The following GRID2 variants were observed in gnomAD, a reference collection of about 807,000 sequenced individuals.
The protein encoded by GRID2 is glutamate ionotropic receptor delta type subunit 2.
GRID2 carries 33 observed loss-of-function variants against 114.8 expected under a neutral mutation model. That is an observed-to-expected ratio of 0.29 (90% confidence interval 0.22 to 0.38). The LOEUF is 0.38. GRID2 is among the 10% of genes least tolerant of loss of function. The pLI, the probability that GRID2 is intolerant of heterozygous loss-of-function variation, is 1.00. For synonymous variants in GRID2, 505 were observed against 449.9 expected (o/e 1.12, Z -1.55); for missense variants, 1,184 against 1,257.7 (o/e 0.94, Z 0.89).
rs1305458079 is a variant in GRID2 at position 93,160,435 on chromosome 4, T to C, written c.736-46969T>C. Among the ~76,000 whole-genome samples, 4 of 151,942 alleles carry C rather than the reference T, an allele frequency of 2.6e-5. No homozygotes were observed. The East Asian group carries it at 7.8e-4, about 29-fold the overall frequency. On this transcript the variant is annotated intron_variant, in intron 4 of 15. Coordinates refer to ENST00000282020, the MANE Select transcript of GRID2 (RefSeq NM_001510.4). ...AGTGACAATAGCTAAACAAATATAA[T>C]TTTGTTAGTCTTACCTTATTAGCCC...
chr4:92,887,096 TA>T (rs1185548532), intron 2 of GRID2, among the ~76,000 whole-genome samples: 1 of 152,246 alleles, frequency 6.6e-6, no homozygotes, highest in African/African-American at 2.4e-5. Context: ...ACAGTACTGT[TA>T]ATATGGTGTT....
chr4:92,443,090 T>A (rs1218724772), intron 1 of GRID2, among the ~76,000 whole-genome samples: 3 of 152,060 alleles, frequency 2.0e-5, no homozygotes, highest in African/African-American at 4.8e-5. Context: ...GGCTTGGGGT[T>A]GGTACTGAGG....
chr4:92,668,222 G>T (rs1357278497), intron 2 of GRID2, among the ~76,000 whole-genome samples: 1 of 151,776 alleles, frequency 6.6e-6, no homozygotes, highest in Non-Finnish European at 1.5e-5. Flanking sequence ...GAATGAGATT[G>T]ATGTAGGGTT....
At chr4:92,814,939 C>T (rs996354265) in intron 2 of GRID2, among the ~76,000 whole-genome samples, 9 of 152,052 alleles carry the variant, frequency 5.9e-5, no homozygotes, top group African/African-American at 1.7e-4. Flanking sequence ...ACTGACAGAG[C>T]TCAAAATGTG....
At position 93,200,272 on chromosome 4, in the gene GRID2, A is replaced by G. The variant is rs552562124; in HGVS notation, c.736-7132A>G. Among the ~76,000 whole-genome samples the G allele has an allele frequency of 2.7e-4, 41 of 152,342 alleles. No homozygotes were observed. The South Asian group carries it at 3.7e-3, about 14-fold the overall frequency. On this transcript the variant is annotated intron_variant, in intron 4 of 15. Transcript: ENST00000282020. ...AAGCACAAGTATCACCATTTGGTCAAAAACATTACATAGGCCGGGTGCGGT... is the reference window on the plus strand; with the variant it reads ...AAGCACAAGTATCACCATTTGGTCAGAAACATTACATAGGCCGGGTGCGGT...
intron 1 of GRID2, among the ~76,000 whole-genome samples, chr4:92,375,348 C>A (rs1245725346): frequency 6.6e-6 from 1 of 151,946 alleles, no homozygotes; most frequent in Non-Finnish European, 1.5e-5. Context: ...ATCTTTTTAG[C>A]CCTTGTAATT....
intron 2 of GRID2, among the ~76,000 whole-genome samples, chr4:92,947,543 TA>T (rs1487238758): frequency 6.6e-6 from 1 of 151,766 alleles, no homozygotes; most frequent in East Asian, 1.9e-4. Flanking sequence ...TTCAGATTTA[TA>T]TTTTTTTTTC....
intron 2 of GRID2, among the ~76,000 whole-genome samples, chr4:93,040,623 T>G (rs986708277): frequency 1.3e-5 from 2 of 152,154 alleles, no homozygotes; most frequent in Non-Finnish European, 2.9e-5. Context: ...TAAGTCTTTG[T>G]GTATTTTCAC....
intron 13 of GRID2, among the ~76,000 whole-genome samples, chr4:93,573,353 T>G (rs1262709846): frequency 2.0e-5 from 3 of 152,200 alleles, no homozygotes; most frequent in Non-Finnish European, 2.9e-5. Flanking sequence ...GTGTCCATCA[T>G]GTGTCTGGCA....
chr4:92,385,837 ATAT>A (rs1251756687), intron 1 of GRID2, among the ~76,000 whole-genome samples: 5 of 149,986 alleles, frequency 3.3e-5, no homozygotes, highest in African/African-American at 1.2e-4. Flanking sequence ...TATAGAAAAA[ATAT>A]TTAACTTTTG....
chr4:92,491,383 T>C (rs1723140118), intron 1 of GRID2, among the ~76,000 whole-genome samples: 1 of 152,176 alleles, frequency 6.6e-6, no homozygotes, highest in African/African-American at 2.4e-5. Flanking sequence ...TATCTTCTGC[T>C]ATAACTGTAT....
chr4:93,391,357 A>C (rs1189794219), intron 8 of GRID2, among the ~76,000 whole-genome samples: 1 of 152,200 alleles, frequency 6.6e-6, no homozygotes, highest in East Asian at 1.9e-4. Context: ...GCACATTTCT[A>C]AGTGGCTGGC....
At chr4:93,056,752 C>T (rs764688625) in intron 2 of GRID2, among the ~76,000 whole-genome samples, 5 of 151,892 alleles carry the variant, frequency 3.3e-5, no homozygotes, top group Non-Finnish European at 5.9e-5. Context: ...AGGCCAAATA[C>T]AGTGACAGTG....
chr4:93,496,183 A>C (rs1226282786), intron 12 of GRID2, among the ~76,000 whole-genome samples: 1 of 151,598 alleles, frequency 6.6e-6, no homozygotes, highest in Non-Finnish European at 1.5e-5. Context: ...GTCGAAGGAC[A>C]AAGCATTAAT....
At chr4:92,310,244 T>C (rs1411762772) in intron 1 of GRID2, among the ~76,000 whole-genome samples, 3 of 152,070 alleles carry the variant, frequency 2.0e-5, no homozygotes, top group Non-Finnish European at 2.9e-5. Flanking sequence ...AAAAAGGCAC[T>C]ATCTTCCTTC....
chr4:92,943,991 C>T (rs1004030260), intron 2 of GRID2, among the ~76,000 whole-genome samples: 4 of 152,134 alleles, frequency 2.6e-5, no homozygotes, highest in African/African-American at 9.7e-5. Flanking sequence ...TCAGTCTGCC[C>T]CTACTGGGGG....
chr4:92,806,049 A>G (rs1006930591), intron 2 of GRID2, among the ~76,000 whole-genome samples: 1 of 151,942 alleles, frequency 6.6e-6, no homozygotes, highest in Non-Finnish European at 1.5e-5. Flanking sequence ...AAATTATCTG[A>G]AACAATATTT....
At chr4:93,406,692 A>T (rs1173067542) in intron 9 of GRID2, among the ~76,000 whole-genome samples, 1 of 152,172 alleles carries the variant, frequency 6.6e-6, no homozygotes, top group African/African-American at 2.4e-5. Context: ...GTAGTGATCG[A>T]TAGAAATTTA....
chr4:93,728,048 T>C (rs1182299862), intron 14 of GRID2, among the ~76,000 whole-genome samples: 1 of 152,158 alleles, frequency 6.6e-6, no homozygotes, highest in Non-Finnish European at 1.5e-5. Flanking sequence ...TGTTTTCTCT[T>C]GCTTTTCTAG....
Sources: gnomAD v4.1 joint callset for allele counts (sites outside exome capture counted in the v4.1 genomes callset) on GRCh38, gnomAD v4.1.1 for gene constraint, MANE v1.5 for transcripts, NCBI Gene and HGNC (gene_info 2026-07-23, HGNC 2026-07-21) for gene names.